The following CHST15 variants were observed in gnomAD, a reference collection of about 807,000 sequenced individuals.
CHST15 encodes the protein B cell RAG associated protein (GALNAC4S-6ST).
CHST15 carries 30 observed loss-of-function variants against 53.6 expected under a neutral mutation model. The ratio of observed to expected loss-of-function variants is 0.56; its 90% CI spans 0.42 to 0.76. The LOEUF (loss-of-function observed/expected upper bound fraction) is 0.76, where lower values mean the gene tolerates loss of function less well. Ranked by LOEUF, CHST15 falls within the 30% of genes least tolerant of loss-of-function variation. CHST15 has a pLI of 0.00. For missense variants in CHST15, 627 were observed against 740.5 expected (o/e 0.85, Z 1.78); for synonymous variants, 296 against 289.8 (o/e 1.02, Z -0.22).
At chr10:124,022,232 C>T (rs1280919744) in intron 5 of CHST15, among the ~76,000 whole-genome samples, 1 of 152,224 alleles carries the variant, frequency 6.6e-6, no homozygotes, top group Non-Finnish European at 1.5e-5. Flanking sequence ...CTGGACTGAG[C>T]TTCTGCAATA....
chr10:124,040,972 C>T (rs1401935005), intron 4 of CHST15, among the ~76,000 whole-genome samples: 1 of 152,152 alleles, frequency 6.6e-6, no homozygotes, highest in Non-Finnish European at 1.5e-5. Context: ...TTCATAAGAA[C>T]ATGTGATTTT....
intron 1 of CHST15, among the ~76,000 whole-genome samples, chr10:124,080,357 T>G (rs1949196245): frequency 1.3e-5 from 2 of 152,196 alleles, no homozygotes; most frequent in African/African-American, 4.8e-5. Flanking sequence ...CCTCTGAACA[T>G]TCAAGAATCA....
At chr10:124,016,956 C>T (rs929774271) in intron 6 of CHST15, among the ~76,000 whole-genome samples, 11 of 152,158 alleles carry the variant, frequency 7.2e-5, no homozygotes, top group East Asian at 5.8e-4. Flanking sequence ...AGTTCACAGT[C>T]GGAGTGCTGA....
At position 124,019,058 on chromosome 10, in the gene CHST15, A is replaced by G. The variant is rs1946680834; in HGVS notation, c.1347+2198T>C. Among the ~76,000 whole-genome samples, 1 of 152,158 alleles carries G rather than the reference A, an allele frequency of 6.6e-6. No individual in the cohort carries two copies. The highest frequency in any genetic ancestry group is 2.4e-5 in the African/African-American group (1 of 41,432). On this transcript the variant is annotated intron_variant, in intron 6 of 7. Transcript: ENST00000435907. This position sits in a 1 kb window ranked among gnomAD's most constrained non-coding sequence, Gnocchi z 4.6. Reference sequence around the variant, plus strand: ...CTATTACTGTTTATGCCAGGACTGAAGGTCCTCCATGCGAGGCCTGCAGGA... The same window carrying G: ...CTATTACTGTTTATGCCAGGACTGAGGGTCCTCCATGCGAGGCCTGCAGGA...
chr10:124,090,025 A>G (rs1200111788), intron 1 of CHST15, among the ~76,000 whole-genome samples: 4 of 152,200 alleles, frequency 2.6e-5, no homozygotes, highest in African/African-American at 9.6e-5. Flanking sequence ...CCTCCAGCCT[A>G]GGGACCTGGC....
rs547957889 is a variant in CHST15 at position 124,044,765 on chromosome 10, T to C, written c.701A>G (p.Lys234Arg). 6.2e-7 allele frequency: 1 copy of C among 1,612,402 alleles called. No homozygotes were observed. The highest frequency in any genetic ancestry group is 2.2e-5 in the East Asian group (1 of 44,752). The change falls in exon 3 of 8, where the codon AAG (lysine) becomes AGG (arginine). Residue 234 changes from lysine to arginine, a missense_variant. Around this residue, in one of 3 missense-constraint regions of CHST15, gnomAD observed 161 missense variants for 117.2 expected, o/e 1.37. Coordinates refer to ENST00000435907, the MANE Select transcript of CHST15 (RefSeq NM_001270764.2). ...GTGCGCCAGGTGGCCCCAGAAGGCC[T>C]TGCGCAGGGCGTCGAAGGTGGAGCG... ...RFRSTFDALR[K>R]AFWGHLAHAH...
In CHST15 at chr10:124,008,177, T is replaced by C; in HGVS notation, c.*1972A>G. The stretch of plus-strand genomic sequence containing the variant: ...CATGCATAGGAGTGCATAAGAAAAA[T>C]CCCTTGTTGTAATTATGGTTGGTGT... On this transcript the variant is annotated 3_prime_UTR_variant, in exon 8 of 8. Transcript: ENST00000435907. The C allele has an allele frequency of 2.4e-6, 3 of 1,230,144 alleles. No individual in the cohort carries two copies. The highest frequency in any genetic ancestry group is 3.0e-6 in the Non-Finnish European group (3 of 987,282). The allele number at this position is 1,230,144 out of a possible 1,614,324, so 76.2% of individuals were successfully genotyped here. A position where few individuals can be genotyped will look rare whatever the true frequency, so the allele number is the denominator to read the frequency against.
chr10:124,066,385 C>T (rs778803645), intron 1 of CHST15, among the ~76,000 whole-genome samples: 4 of 151,970 alleles, frequency 2.6e-5, no homozygotes, highest in Admixed American at 2.6e-4. Context: ...ACCGCCAAGA[C>T]GTGTTCTGTC....
intron 1 of CHST15, among the ~76,000 whole-genome samples, chr10:124,087,199 A>G (rs542306331): frequency 4.5e-4 from 68 of 152,190 alleles, no homozygotes; most frequent in Non-Finnish European, 8.4e-4. Context: ...CAAAGGTGCC[A>G]CGGGCCCAGT....
Position 124,036,816 on chromosome 10 carries a change from T to C in CHST15, c.1190+1699A>G, listed in dbSNP as rs954747505. ...TTTCCACAACAAACACGCCTTATTG[T>C]TATAATTGGCAAATACGTGGGGCCA... On this transcript the variant is annotated intron_variant, in intron 5 of 7. Transcript: ENST00000435907. The surrounding 1 kb of genome is among the most constrained non-coding windows in gnomAD (Gnocchi z 5.1). Among the ~76,000 whole-genome samples, 1 of 152,334 alleles carries C rather than the reference T, an allele frequency of 6.6e-6. No individual in the cohort carries two copies. Among genetic ancestry groups the C allele is most frequent in the Middle Eastern group, 3.4e-3 (1 of 294 alleles).
chr10:124,082,095 T>C (rs1191224694), intron 1 of CHST15, among the ~76,000 whole-genome samples: 2 of 152,066 alleles, frequency 1.3e-5, no homozygotes, highest in Non-Finnish European at 2.9e-5. Context: ...AGATGGACAT[T>C]GGATGGACAG....
chr10:124,025,039 A>T lies in CHST15; in HGVS notation c.1191-3627T>A, dbSNP rs1946942921. Among the ~76,000 whole-genome samples the T allele has an allele frequency of 2.0e-5, 3 of 152,234 alleles. No individual in the cohort carries two copies. The South Asian group carries it at 6.2e-4, about 31-fold the overall frequency. On this transcript the variant is annotated intron_variant, in intron 5 of 7. Transcript: ENST00000435907. Reference sequence around the variant, plus strand: ...AATTCCATCACATAAATTACCTCACACAAACCCAAACACTGGCTGAAGGTT... The same window carrying T: ...AATTCCATCACATAAATTACCTCACTCAAACCCAAACACTGGCTGAAGGTT...
At chr10:124,080,808 A>G (rs1249459075) in intron 1 of CHST15, among the ~76,000 whole-genome samples, 1 of 152,144 alleles carries the variant, frequency 6.6e-6, no homozygotes, top group Non-Finnish European at 1.5e-5. Flanking sequence ...CAAAGTTTTC[A>G]ATTATTCACT....
rs936974356 is a variant in CHST15, at chr10:124,024,232, A to T, written c.1191-2820T>A. ...TCCCTTATAGCAGGGTCTGTTGCAA[A>T]TGCGCCTTCTCCACTGCCCTCCCCT... On this transcript the variant is annotated intron_variant, in intron 5 of 7. Transcript: ENST00000435907. The surrounding 1 kb of genome is among the most constrained non-coding windows in gnomAD (Gnocchi z 4.0). Among the ~76,000 whole-genome samples, 5 of 152,122 alleles carry T rather than the reference A, an allele frequency of 3.3e-5. No homozygotes were observed. Among genetic ancestry groups the T allele is most frequent in the Admixed American group, 3.3e-4 (5 of 15,274 alleles).
intron 1 of CHST15, among the ~76,000 whole-genome samples, chr10:124,085,670 A>C (rs536439160): frequency 1.3e-5 from 2 of 152,316 alleles, no homozygotes; most frequent in East Asian, 3.9e-4. Context: ...TCAGGCTGGG[A>C]GAGCAGACTG....
chr10:124,014,392 T>C (rs1449783944), intron 6 of CHST15, among the ~76,000 whole-genome samples: 3 of 152,216 alleles, frequency 2.0e-5, no homozygotes, highest in Non-Finnish European at 4.4e-5. Context: ...TGGAGGAGGA[T>C]GGAGAGGAAG....
At chr10:124,080,997 G>A (rs1399162880) in intron 1 of CHST15, among the ~76,000 whole-genome samples, 1 of 152,218 alleles carries the variant, frequency 6.6e-6, no homozygotes, top group Non-Finnish European at 1.5e-5. Context: ...CCAGCTATCT[G>A]TCAAAGGAGA....
At chr10:124,032,147 G>A (rs1263850984) in intron 5 of CHST15, among the ~76,000 whole-genome samples, 5 of 152,136 alleles carry the variant, frequency 3.3e-5, no homozygotes, top group Admixed American at 1.3e-4. Context: ...CCAGTCCAAC[G>A]GGTTGTTTAA....
intron 6 of CHST15, among the ~76,000 whole-genome samples, chr10:124,018,441 C>T (rs1163809006): frequency 1.3e-5 from 2 of 152,210 alleles, no homozygotes; most frequent in Admixed American, 6.5e-5. Context: ...GAAGTGAGCT[C>T]GGAGCCACGA....
Sources: allele counts gnomAD v4.1 joint callset (sites outside exome capture counted in the v4.1 genomes callset), GRCh38; gene constraint gnomAD v4.1.1; regional missense constraint gnomAD v4.1.1; non-coding constraint Gnocchi (gnomAD v3.1); transcripts MANE v1.5; gene names NCBI Gene and HGNC (gene_info 2026-07-23, HGNC 2026-07-21).